SV2B: variants seen among roughly 807,000 people sequenced by gnomAD.
The protein encoded by SV2B is synaptic vesicle glycoprotein 2B.
A neutral mutation model predicts 73.9 loss-of-function variants in SV2B; 41 were observed. The ratio of observed to expected loss-of-function variants is 0.56; its 90% CI spans 0.43 to 0.72. The LOEUF is 0.72. Ranked by LOEUF, SV2B falls within the 30% of genes least tolerant of loss-of-function variation. SV2B has a pLI of 0.00. For missense variants in SV2B, 764 were observed against 857.8 expected (o/e 0.89, Z 1.37); for synonymous variants, 314 against 314.2 (o/e 1.00, Z 0.01).
intron 1 of SV2B, among the ~76,000 whole-genome samples, chr15:91,212,106 C>T (rs1472518766): frequency 1.3e-5 from 2 of 152,196 alleles, no homozygotes; most frequent in Admixed American, 6.5e-5. Context: ...TAGATGCTCT[C>T]TTAGATAAAC....
rs1227728341 is a variant in SV2B, at chr15:91,137,596, TATATATATTTC to T, written c.-392+37242_-392+37252del. On this transcript the variant is annotated intron_variant, in intron 1 of 12. Coordinates refer to ENST00000394232, the MANE Select transcript of SV2B (RefSeq NM_001323032.3). The surrounding 1 kb of genome is among the most constrained non-coding windows in gnomAD (Gnocchi z 4.9). The stretch of plus-strand genomic sequence containing the variant: ...TATATATATATATATTTCTCATATA[TATATATATTTC>T]ATATATATATTTCATATATACATAT... 2.1e-5 allele frequency among the ~76,000 whole-genome samples: 3 copies of T among 146,130 alleles called. No homozygotes were observed. The highest frequency in any genetic ancestry group is 7.5e-5 in the African/African-American group (3 of 40,114).
At position 91,224,007 on chromosome 15, in the gene SV2B, T is replaced by C. The variant is rs2141477195; in HGVS notation, c.-391-1866T>C. ...TTCTGAGTGGTGCTTCACCCTGTAATGTTTGAGAACCACTGGTTTCCATCC... is the reference window on the plus strand; with the variant it reads ...TTCTGAGTGGTGCTTCACCCTGTAACGTTTGAGAACCACTGGTTTCCATCC... On this transcript the variant is annotated intron_variant, in intron 1 of 12. Coordinates refer to ENST00000394232, the MANE Select transcript of SV2B (RefSeq NM_001323032.3). This position sits in a 1 kb window ranked among gnomAD's most constrained non-coding sequence, Gnocchi z 4.9. Among the ~76,000 whole-genome samples, 1 of 152,304 alleles carries C rather than the reference T, an allele frequency of 6.6e-6. No homozygotes were observed. The highest frequency in any genetic ancestry group is 1.9e-4 in the East Asian group (1 of 5,176).
At chr15:91,255,392 T>C (rs2047648411) in intron 4 of SV2B, among the ~76,000 whole-genome samples, 1 of 152,174 alleles carries the variant, frequency 6.6e-6, no homozygotes, top group South Asian at 2.1e-4. Context: ...ACATCGTATG[T>C]TCTCACTCAT....
intron 2 of SV2B, among the ~76,000 whole-genome samples, chr15:91,238,949 C>T (rs1422416399): frequency 6.6e-6 from 1 of 152,180 alleles, no homozygotes; most frequent in Non-Finnish European, 1.5e-5. Flanking sequence ...TCTTTGAGGC[C>T]AGTGGGTGTA....
At chr15:91,101,953 T>G (rs932066277) in intron 1 of SV2B, 1 of 152,210 alleles carries the variant, frequency 6.6e-6, no homozygotes, top group Non-Finnish European at 1.5e-5. Flanking sequence ...GCAGGGACTC[T>G]GGAAAATTCT....
At chr15:91,276,157 T>A (rs2048479668) in intron 9 of SV2B, among the ~76,000 whole-genome samples, 1 of 151,930 alleles carries the variant, frequency 6.6e-6, no homozygotes, top group African/African-American at 2.4e-5. Flanking sequence ...TGTATTCTTA[T>A]CTTTATTTAT....
chr15:91,213,862 G>T (rs973005621), intron 1 of SV2B, among the ~76,000 whole-genome samples: 2 of 152,118 alleles, frequency 1.3e-5, no homozygotes, highest in Admixed American at 6.5e-5. Flanking sequence ...CATTCAAAAG[G>T]ATAATTAACA....
chr15:91,168,254 C>T (rs1230868884), intron 1 of SV2B, among the ~76,000 whole-genome samples: 1 of 149,110 alleles, frequency 6.7e-6, no homozygotes, highest in African/African-American at 2.5e-5. Flanking sequence ...CTGCACAGTT[C>T]CACACTTTTT....
rs373220314 is a variant in SV2B, at chr15:91,175,074, G to C, written c.-391-50799G>C. Among the ~76,000 whole-genome samples, 38 of 152,214 alleles carry C rather than the reference G, an allele frequency of 2.5e-4. No individual in the cohort carries two copies. The East Asian group carries it at 2.5e-3, about 10-fold the overall frequency. ...ACACAAATATATAGTGTCCTGTTCT[G>C]GTATAAATGAAGTAGTCTGGAAAAG... On this transcript the variant is annotated intron_variant, in intron 1 of 12. Transcript: ENST00000394232.
intron 7 of SV2B, 33 bp downstream of exon 7, chr15:91,266,725 C>T (rs749358998): frequency 1.2e-5 from 19 of 1,532,088 alleles, no homozygotes; most frequent in East Asian, 2.3e-5. Context: ...GATGAGGATG[C>T]GTCTCTATGG....
In SV2B at chr15:91,268,714, G is replaced by A. The variant is rs539253688; in HGVS notation, c.1373+109G>A. 2.9e-5 allele frequency: 40 copies of A among 1,393,392 alleles called. No homozygotes were observed. In the South Asian group the frequency reaches 3.1e-4, roughly 11 times the overall value. The allele number at this position is 1,393,392 out of a possible 1,614,324, so 86.3% of individuals were successfully genotyped here. ...GAATCAAATATGGCCGGGAATGAGCGCCAAGGCTGGTGTCATCATCACAAC... is the reference window on the plus strand; with the variant it reads ...GAATCAAATATGGCCGGGAATGAGCACCAAGGCTGGTGTCATCATCACAAC... On this transcript the variant is annotated intron_variant, in intron 9 of 12. Transcript: ENST00000394232. This position sits in a 1 kb window ranked among gnomAD's most constrained non-coding sequence, Gnocchi z 4.4.
In SV2B at chr15:91,129,253, G is replaced by A. The variant is rs147851655; in HGVS notation, c.-392+28890G>A. Among the ~76,000 whole-genome samples, 4 of 152,286 alleles carry A rather than the reference G, an allele frequency of 2.6e-5. No homozygotes were observed. The East Asian group carries it at 7.7e-4, about 29-fold the overall frequency. ...GTCAAAGATATCCAACCTTAAGAAA[G>A]TTAGAGTCAAGTGGGTTGAATACAT... On this transcript the variant is annotated intron_variant, in intron 1 of 12. Transcript: ENST00000394232. This position sits in a 1 kb window ranked among gnomAD's most constrained non-coding sequence, Gnocchi z 5.1.
chr15:91,292,532 C>T lies in SV2B; in HGVS notation c.2032C>T (p.Arg678Ter), dbSNP rs747846672. Residue 678 changes from arginine (R) to a stop codon, truncating the protein, a stop_gained, in exon 13 of 13, where the codon CGA (arginine) becomes TGA (stop). Transcript: ENST00000394232. LOFTEE classifies it high-confidence loss of function. Reference sequence around the variant, plus strand: ...GATTGCCCTTCGACTGCCAGAGACTCGAGAACAGGTCCTGATGTGAACAAC... The same window carrying T: ...GATTGCCCTTCGACTGCCAGAGACTTGAGAACAGGTCCTGATGTGAACAAC... Reference protein sequence around the residue: ...GLIALRLPETREQVLM With the variant: ...GLIALRLPET The T allele has an allele frequency of 2.5e-6, 4 of 1,613,632 alleles. No homozygotes were observed. The highest frequency in any genetic ancestry group is 1.1e-5 in the South Asian group (1 of 91,006).
intron 1 of SV2B, among the ~76,000 whole-genome samples, chr15:91,158,889 G>A (rs1359662564): frequency 6.6e-6 from 1 of 151,524 alleles, no homozygotes; most frequent in East Asian, 2.0e-4. Context: ...CTCCTTAGAG[G>A]GGTAACTTTT....
intron 1 of SV2B, among the ~76,000 whole-genome samples, chr15:91,114,166 A>G (rs2151733347): frequency 7.0e-6 from 1 of 143,042 alleles, no homozygotes; most frequent in South Asian, 2.4e-4. Flanking sequence ...CCTGGGCGAC[A>G]GAGCAAGACT....
chr15:91,101,676 G>C (rs2041728700), intron 1 of SV2B, among the ~76,000 whole-genome samples: 2 of 152,124 alleles, frequency 1.3e-5, no homozygotes, highest in Admixed American at 6.5e-5. Context: ...TTTCAGCAGG[G>C]ACTGGGTCGC....
At chr15:91,278,263 T>TATA (rs2048558682) in intron 9 of SV2B, among the ~76,000 whole-genome samples, 1 of 152,294 alleles carries the variant, frequency 6.6e-6, no homozygotes, top group Admixed American at 6.5e-5. Context: ...TAGATTTTTT[T>TATA]AAATGCGGGC....
intron 1 of SV2B, among the ~76,000 whole-genome samples, chr15:91,186,578 A>T (rs940608022): frequency 6.6e-6 from 1 of 152,230 alleles, no homozygotes; most frequent in African/African-American, 2.4e-5. Flanking sequence ...AACAAGAATT[A>T]TTAAGCAAGT....
At chr15:91,206,674 A>G (rs898699357) in intron 1 of SV2B, among the ~76,000 whole-genome samples, 11 of 152,206 alleles carry the variant, frequency 7.2e-5, no homozygotes, top group Non-Finnish European at 5.9e-5. Flanking sequence ...GTGGGTGTCC[A>G]TTAAAAGGAT....
Sources: gnomAD v4.1 joint callset for allele counts (sites outside exome capture counted in the v4.1 genomes callset) on GRCh38, gnomAD v4.1.1 for gene constraint, Gnocchi (gnomAD v3.1) non-coding constraint, MANE v1.5 for transcripts, NCBI Gene and HGNC (gene_info 2026-07-23, HGNC 2026-07-21) for gene names.